CAMTA1: variants seen among roughly 807,000 people sequenced by gnomAD.
CAMTA1 encodes calmodulin-binding transcription activator 1.
In CAMTA1, 27 loss-of-function variants were observed where a neutral mutation model predicts 170.9. That is an observed-to-expected ratio of 0.16 (90% CI 0.12 to 0.22). CAMTA1 has a LOEUF of 0.22. CAMTA1 is among the 10% of genes least tolerant of loss of function. The probability of loss-of-function intolerance (pLI) is 1.00; values close to 1 mark genes in which losing one functional copy is unlikely to be tolerated. For missense variants in CAMTA1, 1,619 were observed against 2,217.2 expected (o/e 0.73, Z 5.42); for synonymous variants, 833 against 891.5 (o/e 0.93, Z 1.17).
At position 7,449,598 on chromosome 1, in the gene CAMTA1, C is replaced by A. The variant is rs1282094314; in HGVS notation, c.439-18232C>A. 2.0e-5 allele frequency among the ~76,000 whole-genome samples: 3 copies of A among 152,048 alleles called. No individual in the cohort carries two copies. The South Asian group carries it at 6.3e-4, about 32-fold the overall frequency. On this transcript the variant is annotated intron_variant, in intron 5 of 22. Transcript: ENST00000303635. ...CAGCCTGGCCAACATGGTGAAACCCCATCTCTACTGAAAATACAAAAATTA... is the reference window on the plus strand; with the variant it reads ...CAGCCTGGCCAACATGGTGAAACCCAATCTCTACTGAAAATACAAAAATTA...
chr1:7,071,983 A>T (rs926299150), intron 3 of CAMTA1, among the ~76,000 whole-genome samples: 18 of 152,190 alleles, frequency 1.2e-4, no homozygotes, highest in African/African-American at 4.3e-4. Flanking sequence ...ATGGACTCGT[A>T]CTGGCTTTTC....
At chr1:7,097,746 C>G (rs186632517) in intron 4 of CAMTA1, among the ~76,000 whole-genome samples, 13 of 152,286 alleles carry the variant, frequency 8.5e-5, no homozygotes, top group African/African-American at 2.9e-4. Flanking sequence ...GTGAAATAAG[C>G]CAGACGCAAA....
Position 7,455,742 on chromosome 1 carries a change from C to T in CAMTA1, c.439-12088C>T, listed in dbSNP as rs1416663736. ...GAGTAGTAACCACAGCCAGGAATCC[C>T]GGCAGTGCCAGCCCCGCAGACGCCT... On this transcript the variant is annotated intron_variant, in intron 5 of 22. Coordinates refer to ENST00000303635, the MANE Select transcript of CAMTA1 (RefSeq NM_015215.4). The surrounding 1 kb of genome is among the most constrained non-coding windows in gnomAD (Gnocchi z 5.0). 2.0e-5 allele frequency among the ~76,000 whole-genome samples: 3 copies of T among 152,330 alleles called. No individual in the cohort carries two copies. Among genetic ancestry groups the T allele is most frequent in the Admixed American group, 6.5e-5 (1 of 15,304 alleles).
rs2094709949 is a variant in CAMTA1, at chr1:7,547,369, CACACA to C, written c.510+79469_510+79473del. ...ATATGCACACACACACACACACACA[CACACA>C]CACACACACACACACAGAGTTGGCC... On this transcript the variant is annotated intron_variant, in intron 6 of 22. Coordinates refer to ENST00000303635, the MANE Select transcript of CAMTA1 (RefSeq NM_015215.4). This position sits in a 1 kb window ranked among gnomAD's most constrained non-coding sequence, Gnocchi z 5.7. 6.6e-6 allele frequency among the ~76,000 whole-genome samples: 1 copy of C among 151,556 alleles called. No homozygotes were observed. The highest frequency in any genetic ancestry group is 1.5e-5 in the Non-Finnish European group (1 of 67,958).
intron 19 of CAMTA1, among the ~76,000 whole-genome samples, 195 bp downstream of exon 19, chr1:7,747,976 G>A (rs2096869095): frequency 6.6e-6 from 1 of 150,776 alleles, no homozygotes; most frequent in Admixed American, 6.6e-5. Flanking sequence ...GCAGTGGCAT[G>A]ATCTGGGCTC....
chr1:6,931,844 G>A (rs560359873), intron 3 of CAMTA1, among the ~76,000 whole-genome samples: 21 of 152,280 alleles, frequency 1.4e-4, no homozygotes, highest in African/African-American at 4.3e-4. Flanking sequence ...CTGAATGAAT[G>A]AATGAGGAGA....
At chr1:7,095,180 C>T (rs1641928741) in intron 4 of CAMTA1, among the ~76,000 whole-genome samples, 1 of 152,266 alleles carries the variant, frequency 6.6e-6, no homozygotes, top group Admixed American at 6.5e-5. Flanking sequence ...TGACCCACTC[C>T]AAAGTGTTAG....
At chr1:6,919,878 T>G in intron 3 of CAMTA1, among the ~76,000 whole-genome samples, 2 of 147,542 alleles carry the variant, frequency 1.4e-5, no homozygotes, top group African/African-American at 2.5e-5. Flanking sequence ...ACCCCCCTAA[T>G]TCAGTCATCT....
chr1:7,603,475 G>A (rs1187186821), intron 6 of CAMTA1, among the ~76,000 whole-genome samples: 1 of 152,144 alleles, frequency 6.6e-6, no homozygotes, highest in Non-Finnish European at 1.5e-5. Context: ...TTGGTTTAAA[G>A]TCTGTTTTAT....
In CAMTA1 at chr1:7,674,325, AGT is replaced by A. The variant is rs1201386698; in HGVS notation, c.2780-3272_2780-3271del. Among the ~76,000 whole-genome samples, 4 of 146,892 alleles carry A rather than the reference AGT, an allele frequency of 2.7e-5. No individual in the cohort carries two copies. The highest frequency in any genetic ancestry group is 1.0e-4 in the African/African-American group (4 of 39,974). On this transcript the variant is annotated intron_variant, in intron 10 of 22. Coordinates refer to ENST00000303635, the MANE Select transcript of CAMTA1 (RefSeq NM_015215.4). This position sits in a 1 kb window ranked among gnomAD's most constrained non-coding sequence, Gnocchi z 4.1. ...AGGAGGGAGCCCACCAAGTTAGGGCAGTGAGCTGAGGGCAGTGAGCAGCAGTG... is the reference window on the plus strand; with the variant it reads ...AGGAGGGAGCCCACCAAGTTAGGGCAGAGCTGAGGGCAGTGAGCAGCAGTG...
intron 5 of CAMTA1, among the ~76,000 whole-genome samples, chr1:7,294,257 G>A (rs533203856): frequency 1.4e-4 from 22 of 152,310 alleles, no homozygotes; most frequent in East Asian, 5.8e-4. Context: ...AGGGGTTTAC[G>A]CTGTTTAACA....
intron 11 of CAMTA1, among the ~76,000 whole-genome samples, chr1:7,720,529 C>G (rs1449848919): frequency 6.6e-6 from 1 of 152,064 alleles, no homozygotes; most frequent in Non-Finnish European, 1.5e-5. Context: ...CTACAGGCAC[C>G]TACCACCATG....
chr1:7,669,001 C>A (rs1464832261), intron 9 of CAMTA1, among the ~76,000 whole-genome samples: 1 of 152,156 alleles, frequency 6.6e-6, no homozygotes, highest in Non-Finnish European at 1.5e-5. Flanking sequence ...ACCCACTCCC[C>A]CCAATGCCCC....
rs138530074 is a variant in CAMTA1, at chr1:7,209,303, A to G, written c.303-40188A>G. ...TCACTGTGTTAATTGCTACTCAGAA[A>G]AACTGCCAAGTTTGTTGTTTTAGAC... On this transcript the variant is annotated intron_variant, in intron 4 of 22. Transcript: ENST00000303635. 5.0e-3 allele frequency among the ~76,000 whole-genome samples: 766 copies of G among 152,328 alleles called. 15 individuals carry two copies. Among genetic ancestry groups the G allele is most frequent in the Admixed American group, 0.039 (597 of 15,302 alleles).
chr1:6,905,460 A>G (rs1203529935), intron 3 of CAMTA1, among the ~76,000 whole-genome samples: 2 of 151,694 alleles, frequency 1.3e-5, no homozygotes, highest in Non-Finnish European at 2.9e-5. Flanking sequence ...CTCCCAAAAT[A>G]TTGGGATTAC....
At chr1:7,370,598 G>A (rs538740921) in intron 5 of CAMTA1, among the ~76,000 whole-genome samples, 59 of 152,290 alleles carry the variant, frequency 3.9e-4, no homozygotes, top group African/African-American at 1.3e-3. Flanking sequence ...TTATTGACAC[G>A]TATTAGTGTT....
intron 7 of CAMTA1, among the ~76,000 whole-genome samples, chr1:7,654,656 AC>A (rs1386341698): frequency 6.2e-5 from 1 of 16,218 alleles, no homozygotes; most frequent in African/African-American, 1.7e-4. Flanking sequence ...ACACACCTAT[AC>A]ACACACACCT....
intron 7 of CAMTA1, among the ~76,000 whole-genome samples, chr1:7,653,717 G>T (rs1024603391): frequency 6.6e-6 from 1 of 152,116 alleles, no homozygotes; most frequent in Non-Finnish European, 1.5e-5. Context: ...AAAAAAAAGT[G>T]CTAGGGAGGG....
At chr1:7,180,986 T>C (rs991361475) in intron 4 of CAMTA1, among the ~76,000 whole-genome samples, 25 of 152,224 alleles carry the variant, frequency 1.6e-4, no homozygotes, top group African/African-American at 4.8e-4. Flanking sequence ...CTTATAAATA[T>C]TGAAGTAAAA....
Sources: gnomAD v4.1 joint callset for allele counts (sites outside exome capture counted in the v4.1 genomes callset) on GRCh38, gnomAD v4.1.1 for gene constraint, Gnocchi (gnomAD v3.1) non-coding constraint, MANE v1.5 for transcripts, NCBI Gene and HGNC (gene_info 2026-07-23, HGNC 2026-07-21) for gene names.